The following CTNND2 variants were observed in gnomAD, a reference collection of about 807,000 sequenced individuals.
The protein encoded by CTNND2 is catenin delta 2.
Under a neutral mutation model 144.4 loss-of-function variants are expected in CTNND2, and 22 were observed. The observed-to-expected ratio is 0.15, with a 90% confidence interval of 0.11 to 0.22. CTNND2 has a LOEUF of 0.22. CTNND2 is among the 10% of genes least tolerant of loss of function. CTNND2 has a pLI of 1.00. For synonymous variants in CTNND2, 751 were observed against 695.6 expected (o/e 1.08, Z -1.25); for missense variants, 1,353 against 1,618.8 (o/e 0.84, Z 2.82).
chr5:11,410,209 T>C (rs1288249373), intron 5 of CTNND2, among the ~76,000 whole-genome samples: 1 of 152,154 alleles, frequency 6.6e-6, no homozygotes, highest in Non-Finnish European at 1.5e-5. Flanking sequence ...ATTAGACATT[T>C]TTCAATACAA....
At position 11,715,432 on chromosome 5, in the gene CTNND2, A is replaced by AT. The variant is rs566609779; in HGVS notation, c.174+16703dup. Among the ~76,000 whole-genome samples, 3 of 152,292 alleles carry AT rather than the reference A, an allele frequency of 2.0e-5. No individual in the cohort carries two copies. In the South Asian group the frequency reaches 6.2e-4, roughly 32 times the overall value. On this transcript the variant is annotated intron_variant, in intron 2 of 21. Coordinates refer to ENST00000304623, the MANE Select transcript of CTNND2 (RefSeq NM_001332.4). The stretch of plus-strand genomic sequence containing the variant: ...AATCCAGGTGGGCACATTCTGATGA[A>AT]TTTTTCAATGTATTCTCCAGCAGTT...
chr5:11,033,616 G>T (rs997679026), intron 16 of CTNND2, among the ~76,000 whole-genome samples: 1 of 152,144 alleles, frequency 6.6e-6, no homozygotes, highest in Non-Finnish European at 1.5e-5. Flanking sequence ...GAATCATGAG[G>T]TCAGGAGTTC....
intron 16 of CTNND2, among the ~76,000 whole-genome samples, chr5:11,030,036 G>T (rs79107933): frequency 7.0e-4 from 106 of 150,428 alleles, no homozygotes; most frequent in African/African-American, 2.6e-3. Context: ...TTGGCTGACA[G>T]TTTTTTTTTT....
intron 2 of CTNND2, among the ~76,000 whole-genome samples, chr5:11,678,054 C>T (rs140435833): frequency 5.3e-4 from 80 of 152,190 alleles, no homozygotes. Flanking sequence ...TTCACTCTAC[C>T]ACAGACCGTG....
chr5:11,123,785 G>T (rs1008478897), intron 12 of CTNND2, among the ~76,000 whole-genome samples: 2 of 152,208 alleles, frequency 1.3e-5, no homozygotes, highest in Non-Finnish European at 2.9e-5. Context: ...CTTAGCCCAC[G>T]GTAGGAAATT....
chr5:11,770,943 T>C (rs778059767), intron 1 of CTNND2, among the ~76,000 whole-genome samples: 13 of 152,176 alleles, frequency 8.5e-5, no homozygotes, highest in Non-Finnish European at 1.5e-4. Flanking sequence ...TACTCAGCTA[T>C]GTTCCTCTTC....
rs184189112 is a variant in CTNND2 at position 11,756,552 on chromosome 5, T to A, written c.38-24280A>T. The stretch of plus-strand genomic sequence containing the variant: ...CAGTCATATTTTATGGGTATTCTGC[T>A]AGTTTTCCCCTATCCATTTACATAT... On this transcript the variant is annotated intron_variant, in intron 1 of 21. Coordinates refer to ENST00000304623, the MANE Select transcript of CTNND2 (RefSeq NM_001332.4). Among the ~76,000 whole-genome samples, 380 of 151,768 alleles carry A rather than the reference T, an allele frequency of 2.5e-3. 2 individuals are homozygous for A. Among genetic ancestry groups the A allele is most frequent in the African/African-American group, 8.8e-3 (366 of 41,494 alleles).
At chr5:11,321,531 G>A (rs180778303) in intron 9 of CTNND2, among the ~76,000 whole-genome samples, 4 of 152,286 alleles carry the variant, frequency 2.6e-5, no homozygotes, top group African/African-American at 7.2e-5. Context: ...TGTAATAGCT[G>A]CAAAAGTCAT....
At chr5:11,867,506 CA>C (rs1350565766) in intron 1 of CTNND2, among the ~76,000 whole-genome samples, 1 of 152,204 alleles carries the variant, frequency 6.6e-6, no homozygotes, top group African/African-American at 2.4e-5. Flanking sequence ...TACTCAGTCA[CA>C]TTGGCAGAAA....
rs1738050629 is a variant in CTNND2, at chr5:11,903,193, C to T, written c.37+624G>A. ...AAACCTGGCTTTCAGGCGGCGCTTT[C>T]TGGAGCCTGGCTGTCTATTGTCAGC... On this transcript the variant is annotated intron_variant, in intron 1 of 21. Coordinates refer to ENST00000304623, the MANE Select transcript of CTNND2 (RefSeq NM_001332.4). This position sits in a 1 kb window ranked among gnomAD's most constrained non-coding sequence, Gnocchi z 5.4. 1.0e-6 allele frequency: 1 copy of T among 985,502 alleles called. No homozygotes were observed. The highest frequency in any genetic ancestry group is 4.7e-5 in the South Asian group (1 of 21,288). 61.0% of individuals were successfully genotyped at this position (985,502 alleles called of 1,614,324 possible). A position where few individuals can be genotyped will look rare whatever the true frequency, so the allele number is the denominator to read the frequency against.
chr5:11,770,975 A>G (rs1453812962), intron 1 of CTNND2, among the ~76,000 whole-genome samples: 3 of 152,060 alleles, frequency 2.0e-5, no homozygotes, highest in East Asian at 1.9e-4. Context: ...AAACACAACT[A>G]TATCTTATAA....
chr5:11,812,823 A>C (rs1792413041), intron 1 of CTNND2, among the ~76,000 whole-genome samples: 2 of 152,114 alleles, frequency 1.3e-5, no homozygotes, highest in Non-Finnish European at 2.9e-5. Context: ...CACACAAAAA[A>C]AGTTACTGGA....
At chr5:11,592,497 T>A (rs558201514) in intron 2 of CTNND2, among the ~76,000 whole-genome samples, 2 of 152,180 alleles carry the variant, frequency 1.3e-5, no homozygotes, top group East Asian at 3.9e-4. Flanking sequence ...CATTTTAGTG[T>A]TTCCAGGAAA....
intron 3 of CTNND2, among the ~76,000 whole-genome samples, chr5:11,459,397 C>T (rs995089313): frequency 1.2e-4 from 18 of 152,080 alleles, no homozygotes; most frequent in African/African-American, 4.1e-4. Context: ...TAAAACCCCA[C>T]CATAGGAGAC....
chr5:11,902,741 G>A (rs1179811012), intron 1 of CTNND2, among the ~76,000 whole-genome samples: 1 of 152,020 alleles, frequency 6.6e-6, no homozygotes, highest in Non-Finnish European at 1.5e-5. Flanking sequence ...ACCTGCCAGA[G>A]CTAAGGCGAA....
intron 12 of CTNND2, among the ~76,000 whole-genome samples, chr5:11,129,758 C>T (rs1427878182): frequency 1.3e-5 from 2 of 152,100 alleles, no homozygotes; most frequent in African/African-American, 4.8e-5. Context: ...GAGGCAGCTT[C>T]CTAGCCCTGC....
chr5:11,754,433 AG>A (rs1294051712), intron 1 of CTNND2, among the ~76,000 whole-genome samples: 2 of 78,122 alleles, frequency 2.6e-5, no homozygotes, highest in African/African-American at 9.7e-5. Flanking sequence ...TTTTTGGGGG[AG>A]GGGGCGGGGA....
intron 2 of CTNND2, among the ~76,000 whole-genome samples, chr5:11,640,695 T>C (rs1428991276): frequency 6.6e-6 from 1 of 152,208 alleles, no homozygotes; most frequent in African/African-American, 2.4e-5. Context: ...ATGAGTCACA[T>C]GACACGCAAA....
intron 12 of CTNND2, among the ~76,000 whole-genome samples, chr5:11,156,483 G>A (rs1457982959): frequency 6.6e-6 from 1 of 152,162 alleles, no homozygotes. Context: ...TTAGGAAATA[G>A]TATTCTAGGA....
Sources: gnomAD v4.1 joint callset for allele counts (sites outside exome capture counted in the v4.1 genomes callset) on GRCh38, gnomAD v4.1.1 for gene constraint, Gnocchi (gnomAD v3.1) non-coding constraint, MANE v1.5 for transcripts, NCBI Gene and HGNC (gene_info 2026-07-23, HGNC 2026-07-21) for gene names.